ATL3: variants seen among roughly 807,000 people sequenced by gnomAD.
ATL3 encodes the protein atlastin GTPase 3.
In ATL3, 49 loss-of-function variants were observed where a neutral mutation model predicts 69.5. The observed-to-expected ratio is 0.71, with a 90% CI of 0.56 to 0.89. The LOEUF (loss-of-function observed/expected upper bound fraction) is 0.89, where lower values mean the gene tolerates loss of function less well. ATL3 is among the 40% of genes least tolerant of loss of function. The probability of loss-of-function intolerance (pLI) is 0.00; values close to 1 mark genes in which losing one functional copy is unlikely to be tolerated. For missense variants in ATL3, 606 were observed against 645.7 expected (o/e 0.94, Z 0.67); for synonymous variants, 214 against 224.1 (o/e 0.95, Z 0.40).
Position 63,631,075 on chromosome 11 carries a change from C to A in ATL3, c.1504G>T (p.Ala502Ser). The change falls in exon 12 of 13, where the codon GCT becomes TCT. Residue 502 changes from alanine to serine, a missense_variant. Physicochemically the swap from Ala to Ser is moderately conservative, Grantham distance 99 (BLOSUM62 1). Transcript: ENST00000398868. ...YSGQYRELGG[A>S]IDFGAAYVLE... ...ACATATGCGGCACCAAAATCAATAG[C>A]TCCGCCCAGCTCACGATATTGACCA... is the stretch of plus-strand genomic sequence containing the variant. 6.2e-7 allele frequency: 1 copy of A among 1,613,750 alleles called. No homozygotes were observed. The highest frequency in any genetic ancestry group is 8.5e-7 in the Non-Finnish European group (1 of 1,179,830).
chr11:63,671,207 CGGGCGG>C, intron 1 of ATL3, 77 bp downstream of exon 1: 1 of 1,462,586 alleles, frequency 6.8e-7, no homozygotes, highest in Non-Finnish European at 9.0e-7. Context: ...GGCGGCGGCG[CGGGCGG>C]GGGTTCTTTT....
chr11:63,670,961 C>T (rs373870590), intron 1 of ATL3, among the ~76,000 whole-genome samples: 3 of 152,234 alleles, frequency 2.0e-5, no homozygotes, highest in Admixed American at 6.5e-5. Flanking sequence ...ACGCCGCCCA[C>T]GGGGACCACC....
intron 8 of ATL3, 119 bp from the exon 9 acceptor site, chr11:63,636,453 G>C: frequency 7.3e-7 from 1 of 1,376,742 alleles, no homozygotes; most frequent in African/African-American, 1.4e-5. Context: ...AAAAGTGAGA[G>C]AGAAGCCGGG....
chr11:63,659,097 C>T lies in ATL3; in HGVS notation c.202G>A (p.Ala68Thr), dbSNP rs757382932. The T allele has an allele frequency of 5.6e-6, 9 of 1,613,880 alleles. No individual in the cohort carries two copies. Among genetic ancestry groups the T allele is most frequent in the Admixed American group, 5.0e-5 (3 of 59,964 alleles). Residue 68 changes from alanine to threonine, a missense_variant, in exon 2 of 13, where the codon GCC becomes ACC. Physicochemically the swap from Ala to Thr is moderately conservative, Grantham distance 58. Transcript: ENST00000398868. ...ATGAAGGACTTGCCCTTTCGGAAGG[C>T]ACCAGCCACTGAAACCACCACCACA... is the stretch of plus-strand genomic sequence containing the variant. ...LDVVVVSVAG[A>T]FRKGKSFILD... is the part of the protein sequence containing the mutation.
Position 63,657,858 on chromosome 11 carries a change from T to A in ATL3, c.405+903A>T, listed in dbSNP as rs1940304153. Among the ~76,000 whole-genome samples the A allele has an allele frequency of 2.2e-5, 3 of 133,546 alleles. No individual in the cohort carries two copies. In the South Asian group the frequency reaches 6.7e-4, roughly 30 times the overall value. 87.6% of individuals were successfully genotyped at this position (133,546 alleles called of 152,430 possible). A position where few individuals can be genotyped will look rare whatever the true frequency, so the allele number is the denominator to read the frequency against. ...ATATGAAACTAAAAATGCCATTGGCTTTTTTTTTTTTTTTTTGAGACGGAG... is the reference window on the plus strand; with the variant it reads ...ATATGAAACTAAAAATGCCATTGGCATTTTTTTTTTTTTTTTGAGACGGAG... On this transcript the variant is annotated intron_variant, in intron 3 of 12. Transcript: ENST00000398868.
intron 8 of ATL3, among the ~76,000 whole-genome samples, chr11:63,639,950 C>G (rs546872463): frequency 4.0e-5 from 6 of 150,220 alleles, no homozygotes; most frequent in African/African-American, 1.5e-4. Context: ...TTTTTTGGGA[C>G]AGAGTTTCGC....
chr11:63,630,448 A>AAAAAG (rs776671586), intron 12 of ATL3, among the ~76,000 whole-genome samples: 2 of 133,104 alleles, frequency 1.5e-5, no homozygotes, highest in Admixed American at 8.7e-5. Context: ...AAAAAAAAAA[A>AAAAAG]GTTGCCAAAG....
chr11:63,643,632 C>T (rs573716280), intron 7 of ATL3, 137 bp from the exon 8 acceptor site: 3 of 715,878 alleles, frequency 4.2e-6, no homozygotes, highest in Non-Finnish European at 6.6e-6. Flanking sequence ...AACTCAGAAC[C>T]CTAAGAAGCA....
chr11:63,637,759 A>C (rs1017173372), intron 8 of ATL3: 9 of 152,188 alleles, frequency 5.9e-5, no homozygotes, highest in Admixed American at 3.9e-4. Flanking sequence ...TCAAATAAGA[A>C]CTCTTTAATA....
chr11:63,634,188 A>ATT (rs1939434322), intron 10 of ATL3, among the ~76,000 whole-genome samples: 1 of 145,042 alleles, frequency 6.9e-6, no homozygotes, highest in Non-Finnish European at 1.5e-5. Flanking sequence ...TTCTATTTAA[A>ATT]AAAAAAAAAA....
chr11:63,630,935 T>C, intron 12 of ATL3, 105 bp downstream of exon 12: 1 of 1,131,020 alleles, frequency 8.8e-7, no homozygotes, highest in Non-Finnish European at 1.2e-6. Flanking sequence ...GTGGCCACTG[T>C]CTCATGTCTT....
At chr11:63,668,130 A>G (rs1306887115) in intron 1 of ATL3, among the ~76,000 whole-genome samples, 1 of 152,252 alleles carries the variant, frequency 6.6e-6, no homozygotes, top group Non-Finnish European at 1.5e-5. Context: ...TGTATGACTC[A>G]GGGTAAAGTT....
At position 63,631,317 on chromosome 11, in the gene ATL3, A is replaced by G. The variant is rs1441229549; in HGVS notation, c.1262T>C (p.Ile421Thr). 6.2e-7 allele frequency: 1 copy of G among 1,614,156 alleles called. No individual in the cohort carries two copies. The highest frequency in any genetic ancestry group is 8.5e-7 in the Non-Finnish European group (1 of 1,180,028). Residue 421 changes from isoleucine to threonine, a missense_variant, in exon 12 of 13, where the codon ATC (isoleucine) becomes ACC (threonine). Physicochemically the swap from Ile to Thr is moderately conservative, Grantham distance 89. Transcript: ENST00000398868. ...GCAGAAGTTCTCATATAATTCCTTGATTTCCTCCTCCAGCTCCTGCTGGTA... is the reference window on the plus strand; with the variant it reads ...GCAGAAGTTCTCATATAATTCCTTGGTTTCCTCCTCCAGCTCCTGCTGGTA... Reference protein sequence around the residue: ...FRYQQELEEEIKELYENFCKH... With the variant: ...FRYQQELEEETKELYENFCKH...
chr11:63,634,303 G>A (rs1053914538), intron 10 of ATL3, among the ~76,000 whole-genome samples: 5 of 151,516 alleles, frequency 3.3e-5, no homozygotes, highest in African/African-American at 1.2e-4. Context: ...TCAGGAGATC[G>A]AGATCATCCT....
At chr11:63,664,631 T>G (rs971332809) in intron 1 of ATL3, among the ~76,000 whole-genome samples, 1 of 151,598 alleles carries the variant, frequency 6.6e-6, no homozygotes, top group South Asian at 2.1e-4. Flanking sequence ...TTTTTTTGTT[T>G]TTTTTTTTTG....
chr11:63,652,702 T>G (rs1940118082), intron 3 of ATL3, 127 bp from the exon 4 acceptor site: 5 of 561,392 alleles, frequency 8.9e-6, no homozygotes, highest in Non-Finnish European at 1.5e-5. Context: ...CTTAAGCACC[T>G]GCTTGTAGGT....
At chr11:63,638,322 T>C (rs1939585905) in intron 8 of ATL3, among the ~76,000 whole-genome samples, 1 of 152,180 alleles carries the variant, frequency 6.6e-6, no homozygotes, top group South Asian at 2.1e-4. Flanking sequence ...CTGTATTAGG[T>C]CTCCCTGTGA....
chr11:63,659,381 C>G, intron 1 of ATL3, 129 bp from the exon 2 acceptor site: 1 of 710,666 alleles, frequency 1.4e-6, no homozygotes, highest in Non-Finnish European at 2.3e-6. Flanking sequence ...AATCACAGCA[C>G]TTTGGGAAAC....
intron 1 of ATL3, among the ~76,000 whole-genome samples, chr11:63,669,948 C>CA (rs200836821): frequency 0.11 from 16,387 of 149,680 alleles, 1,039 homozygotes; most frequent in Middle Eastern, 0.17. Context: ...AACTCCGTCT[C>CA]AAAAAAAAAT....
Sources: allele counts gnomAD v4.1 joint callset (sites outside exome capture counted in the v4.1 genomes callset), GRCh38; gene constraint gnomAD v4.1.1; transcripts MANE v1.5; gene names NCBI Gene and HGNC (gene_info 2026-07-23, HGNC 2026-07-21).